FGF13: variants seen among roughly 807,000 people sequenced by gnomAD.
FGF13 encodes fibroblast growth factor homologous factor 2.
In FGF13, 2 loss-of-function variants were observed where a neutral mutation model predicts 19.5. The observed-to-expected ratio is 0.10, with a 90% CI of 0.04 to 0.32. FGF13 has a LOEUF of 0.32. Ranked by LOEUF, FGF13 falls within the 10% of genes least tolerant of loss-of-function variation. The pLI, the probability that FGF13 is intolerant of heterozygous loss-of-function variation, is 1.00. For missense variants in FGF13, 113 were observed against 192.7 expected, an observed-to-expected ratio of 0.59 and a Z score of 2.45; for synonymous variants, 72 against 76.9, an observed-to-expected ratio of 0.94 and a Z score of 0.33.
chrX:138,941,828 C>G (rs1262380557), intron 1 of FGF13, among the ~76,000 whole-genome samples: 1 of 112,084 alleles, frequency 8.9e-6, no homozygotes, highest in African/African-American at 3.2e-5. Flanking sequence ...CTGATGCTCC[C>G]TCTCCACTAG....
intron 1 of FGF13, among the ~76,000 whole-genome samples, chrX:139,140,854 T>C (rs1054292244): frequency 7.6e-4 from 84 of 110,795 alleles, no homozygotes; most frequent in African/African-American, 2.7e-3. Flanking sequence ...ATTTCCTTGC[T>C]CACTCCATTT....
intron 3 of FGF13, among the ~76,000 whole-genome samples, chrX:138,781,290 A>G (rs1389568356): frequency 9.2e-6 from 1 of 109,247 alleles, no homozygotes; most frequent in Admixed American, 9.8e-5. Flanking sequence ...TTCAAAAGCT[A>G]GCAGAAGGCA....
chrX:138,633,052 A>T (rs2089138754), intron 4 of FGF13, 66 bp from the exon 5 acceptor site: 3 of 1,128,192 alleles, frequency 2.7e-6, no homozygotes, highest in Non-Finnish European at 3.6e-6. Context: ...AAAATTTCTA[A>T]GAATAGTTTG....
intron 1 of FGF13, among the ~76,000 whole-genome samples, chrX:138,934,543 C>T (rs2091721574): frequency 8.9e-6 from 1 of 112,594 alleles, no homozygotes; most frequent in South Asian, 3.7e-4. Flanking sequence ...TTGATGGGAA[C>T]TTGTATTTTA....
chrX:138,848,117 T>C (rs1335115065), intron 3 of FGF13, among the ~76,000 whole-genome samples: 2 of 112,184 alleles, frequency 1.8e-5, no homozygotes, highest in Non-Finnish European at 3.8e-5. Flanking sequence ...GGTCACAAGG[T>C]GGCAGATTAC....
intron 3 of FGF13, among the ~76,000 whole-genome samples, chrX:138,801,145 T>C (rs2090825767): frequency 8.9e-6 from 1 of 112,281 alleles, no homozygotes; most frequent in African/African-American, 3.2e-5. Flanking sequence ...TACAATCATT[T>C]GGAGGAGAAG....
intron 1 of FGF13, among the ~76,000 whole-genome samples, chrX:138,888,346 G>T (rs1411624071): frequency 9.0e-6 from 1 of 111,643 alleles, no homozygotes; most frequent in Non-Finnish European, 1.9e-5. Flanking sequence ...GCACCCATCT[G>T]TTTCATTATG....
At chrX:138,745,081 G>A (rs1227142855) in intron 3 of FGF13, among the ~76,000 whole-genome samples, 4 of 111,962 alleles carry the variant, frequency 3.6e-5, no homozygotes, top group African/African-American at 9.7e-5. Context: ...TATCCTATAC[G>A]AGAGTTAAAA....
At chrX:138,888,012 C>T (rs1172169567) in intron 1 of FGF13, among the ~76,000 whole-genome samples, 1 of 112,260 alleles carries the variant, frequency 8.9e-6, no homozygotes, top group Non-Finnish European at 1.9e-5. Context: ...CCCATATCTC[C>T]TTCATGGAAC....
intron 1 of FGF13, among the ~76,000 whole-genome samples, chrX:139,141,102 TACAC>T (rs748785543): frequency 4.5e-3 from 435 of 97,162 alleles, no homozygotes; most frequent in Non-Finnish European, 6.2e-3. Flanking sequence ...GATAAGAGTG[TACAC>T]ACACACACAC....
chrX:138,961,133 C>G (rs1386496862), intron 1 of FGF13, among the ~76,000 whole-genome samples: 1 of 111,339 alleles, frequency 9.0e-6, no homozygotes, highest in African/African-American at 3.3e-5. Flanking sequence ...TGGTTTCTCC[C>G]CATCTCTGTG....
Position 138,631,853 on chromosome X carries a change from T to C in FGF13, c.*997A>G, listed in dbSNP as rs1031219515. 6 of 112,287 alleles carry C rather than the reference T, an allele frequency of 5.3e-5. No individual in the cohort carries two copies. The highest frequency in any genetic ancestry group is 1.9e-4 in the African/African-American group (6 of 30,832). 9.3% of individuals were successfully genotyped at this position (112,287 alleles called of 1,213,427 possible). ...CACTTTTCCAGTAGCAAGTATAATATATGTTGTTGAGGGAAAACCAGTCTT... is the reference window on the plus strand; with the variant it reads ...CACTTTTCCAGTAGCAAGTATAATACATGTTGTTGAGGGAAAACCAGTCTT... On this transcript the variant is annotated 3_prime_UTR_variant, in exon 5 of 5. Coordinates refer to ENST00000315930, the MANE Select transcript of FGF13 (RefSeq NM_004114.5).
intron 1 of FGF13, among the ~76,000 whole-genome samples, chrX:138,722,710 A>C (rs1347944755): frequency 9.0e-6 from 1 of 111,270 alleles, no homozygotes. Context: ...AATATCTATA[A>C]AACCTCTCTA....
chrX:138,650,489 T>G (rs1173645353), intron 3 of FGF13, among the ~76,000 whole-genome samples: 1 of 112,013 alleles, frequency 8.9e-6, no homozygotes, highest in Admixed American at 9.5e-5. Flanking sequence ...GTCGTACATG[T>G]TCCTACAAGA....
intron 1 of FGF13, among the ~76,000 whole-genome samples, chrX:139,171,543 C>T (rs1465873136): frequency 9.0e-6 from 1 of 111,730 alleles, no homozygotes; most frequent in Non-Finnish European, 1.9e-5. Context: ...GATCCTATGC[C>T]CCAGTCAGGG....
chrX:139,106,053 G>A (rs189545395), intron 1 of FGF13, among the ~76,000 whole-genome samples: 104 of 112,322 alleles, frequency 9.3e-4, no homozygotes, highest in African/African-American at 3.3e-3. Flanking sequence ...CAGAGATAGA[G>A]TGACACTGCA....
intron 1 of FGF13, among the ~76,000 whole-genome samples, chrX:139,133,904 T>A (rs933682012): frequency 1.8e-5 from 2 of 111,980 alleles, no homozygotes; most frequent in African/African-American, 6.5e-5. Context: ...GGCCTTTTAT[T>A]CTCACTCTTC....
intron 1 of FGF13, among the ~76,000 whole-genome samples, chrX:139,089,644 C>T (rs2083427194): frequency 1.8e-5 from 2 of 111,650 alleles, no homozygotes; most frequent in African/African-American, 6.5e-5. Flanking sequence ...AATCCTGGAG[C>T]AACTATCTGA....
chrX:138,801,472 G>C (rs1237963190), intron 3 of FGF13, among the ~76,000 whole-genome samples: 1 of 111,428 alleles, frequency 9.0e-6, no homozygotes, highest in African/African-American at 3.3e-5. Flanking sequence ...CCCCAGAGGG[G>C]CACCCGCCTG....
Sources: gnomAD v4.1 joint callset for allele counts (sites outside exome capture counted in the v4.1 genomes callset) on GRCh38, gnomAD v4.1.1 for gene constraint, MANE v1.5 for transcripts, NCBI Gene and HGNC (gene_info 2026-07-23, HGNC 2026-07-21) for gene names.